The following VPS53 variants were observed in gnomAD, a reference collection of about 807,000 sequenced individuals.
VPS53 encodes vacuolar protein sorting-associated protein 53 homolog.
In VPS53, 70 loss-of-function variants were observed where a neutral mutation model predicts 107.0. That is an observed-to-expected ratio of 0.65 (90% CI 0.54 to 0.80). VPS53 has a LOEUF of 0.80. Ranked by LOEUF, VPS53 falls within the 30% of genes least tolerant of loss-of-function variation. The pLI is 0.00. For missense variants in VPS53, 917 were observed against 1,049.4 expected (o/e 0.87, Z 1.74); for synonymous variants, 409 against 393.3 (o/e 1.04, Z -0.47).
At chr17:693,871 G>A (rs888664295) in intron 4 of VPS53, among the ~76,000 whole-genome samples, 2 of 152,228 alleles carry the variant, frequency 1.3e-5, no homozygotes, top group African/African-American at 2.4e-5. Flanking sequence ...GGAAGCGAGT[G>A]CTGAAAGCAA....
intron 1 of VPS53, 47 bp downstream of exon 1, chr17:714,576 T>G (rs765647187): frequency 3.2e-6 from 5 of 1,545,474 alleles, no homozygotes; most frequent in Non-Finnish European, 4.4e-6. Flanking sequence ...AGCTGCCGTC[T>G]CCCCTCCCGC....
At chr17:550,283 C>T (rs1911705213) in intron 17 of VPS53, among the ~76,000 whole-genome samples, 1 of 152,192 alleles carries the variant, frequency 6.6e-6, no homozygotes, top group Admixed American at 6.5e-5. Context: ...CTCCCACTGC[C>T]CTCTGGTACT....
chr17:549,448 GT>G, intron 17 of VPS53, among the ~76,000 whole-genome samples: 1 of 151,850 alleles, frequency 6.6e-6, no homozygotes, highest in East Asian at 1.9e-4. Context: ...GTCTCTGTTC[GT>G]ATTTGCTGGT....
chr17:692,963 G>C (rs868637198), intron 4 of VPS53, among the ~76,000 whole-genome samples: 1 of 152,092 alleles, frequency 6.6e-6, no homozygotes, highest in East Asian at 1.9e-4. Context: ...GTGAAATCCC[G>C]TCTCTACTAA....
rs1227058275 is a variant in VPS53 at position 601,714 on chromosome 17, G to C, written c.1218+81C>G. The C allele has an allele frequency of 1.7e-5, 19 of 1,104,036 alleles. No homozygotes were observed. In the Admixed American group the frequency reaches 4.0e-4, roughly 24 times the overall value. The allele number at this position is 1,104,036 out of a possible 1,614,324, so 68.4% of individuals were successfully genotyped here. A position where few individuals can be genotyped will look rare whatever the true frequency, so the allele number is the denominator to read the frequency against. On this transcript the variant is annotated intron_variant, in intron 12 of 21. Transcript: ENST00000437048. The stretch of plus-strand genomic sequence containing the variant: ...TCTCTGAACGTGGCCAAGAGCCAAA[G>C]GATCGTATCTGGAGCAAGCAGACCG...
Position 520,061 on chromosome 17 carries a change from ACTC to A in VPS53, c.2224-134_2224-132del. The A allele has an allele frequency of 1.6e-6, 1 of 642,728 alleles. No individual in the cohort carries two copies. Among genetic ancestry groups the A allele is most frequent in the Non-Finnish European group, 2.7e-6 (1 of 364,410 alleles). The allele number at this position is 642,728 out of a possible 1,614,324, so 39.8% of individuals were successfully genotyped here. ...GGGAGCGGGCCCTTCAGGAAAACTC[ACTC>A]CTCACTTGCCCGCCGAGCGCTAAAT... On this transcript the variant is annotated intron_variant, in intron 20 of 21. Coordinates refer to ENST00000437048, the MANE Select transcript of VPS53 (RefSeq NM_001128159.3). This position sits in a 1 kb window ranked among gnomAD's most constrained non-coding sequence, Gnocchi z 4.4.
chr17:630,287 G>A (rs761900298), intron 8 of VPS53, among the ~76,000 whole-genome samples: 67 of 149,266 alleles, frequency 4.5e-4, no homozygotes, highest in Non-Finnish European at 8.6e-4. Flanking sequence ...GTGAAACTCC[G>A]TCAAAAAAAA....
At chr17:681,043 T>A (rs1972372766) in intron 4 of VPS53, among the ~76,000 whole-genome samples, 4 of 152,252 alleles carry the variant, frequency 2.6e-5, no homozygotes, top group African/African-American at 9.6e-5. Flanking sequence ...ATGACAATGA[T>A]AAATATATTA....
intron 11 of VPS53, among the ~76,000 whole-genome samples, chr17:615,378 GAGGAGCTGAGCTGTGGCAGGTCTT>G (rs1348557612): frequency 6.6e-6 from 1 of 152,180 alleles, no homozygotes; most frequent in Non-Finnish European, 1.5e-5. Context: ...GATGGGTCAG[GAGGAGCTGAGCTGTGGCAGGTCTT>G]GTCTTCCGGG....
At chr17:656,037 G>A (rs1419880658) in intron 5 of VPS53, 84 bp from the exon 6 acceptor site, 3 of 994,746 alleles carry the variant, frequency 3.0e-6, no homozygotes, top group South Asian at 1.6e-5. Context: ...TGTAAGAAAC[G>A]AATGCAGATG....
At chr17:598,652 G>A (rs1321072359) in intron 12 of VPS53, among the ~76,000 whole-genome samples, 40 of 130,290 alleles carry the variant, frequency 3.1e-4, no homozygotes, top group Admixed American at 2.3e-3. Context: ...GCCCGGCCGC[G>A]ACCCGGTCTG....
At chr17:627,382 A>C in intron 9 of VPS53, 66 bp from the exon 10 acceptor site, 1 of 1,538,658 alleles carries the variant, frequency 6.5e-7, no homozygotes, top group East Asian at 2.3e-5. Context: ...TCAAGGAAAC[A>C]AGCAAAAACA....
intron 1 of VPS53, among the ~76,000 whole-genome samples, chr17:712,262 C>T (rs890868690): frequency 6.7e-6 from 1 of 149,352 alleles, no homozygotes; most frequent in Non-Finnish European, 1.5e-5. Context: ...CTCACTGCAA[C>T]CTCTGCCTCC....
chr17:657,008 C>A (rs944710668), intron 5 of VPS53: 82 of 866,604 alleles, frequency 9.5e-5, no homozygotes, highest in Non-Finnish European at 1.6e-4. Context: ...GGGGATCACA[C>A]CAACTCTTCC....
intron 2 of VPS53, among the ~76,000 whole-genome samples, chr17:703,416 G>A (rs943466889): frequency 2.6e-5 from 4 of 152,162 alleles, no homozygotes; most frequent in African/African-American, 9.7e-5. Flanking sequence ...CAAGACACCG[G>A]ACAGCTATGA....
intron 19 of VPS53, among the ~76,000 whole-genome samples, chr17:522,401 A>G (rs1459392853): frequency 6.6e-6 from 1 of 152,218 alleles, no homozygotes. Flanking sequence ...AAACAAATCA[A>G]GGTTTTTAAG....
rs117779326 is a variant in VPS53 at position 583,122 on chromosome 17, T to A, written c.1313+3148A>T. On this transcript the variant is annotated intron_variant, in intron 13 of 21. Transcript: ENST00000437048. The stretch of plus-strand genomic sequence containing the variant: ...TTCCCAAAGAACTTCCCTCAGGACC[T>A]CAATGCGTTCCCAGAGAATCTCCCT... Among the ~76,000 whole-genome samples the A allele has an allele frequency of 2.9e-3, 395 of 135,970 alleles. 6 individuals carry two copies. In the East Asian group the frequency reaches 0.067, roughly 23 times the overall value. 89.2% of individuals were successfully genotyped at this position (135,970 alleles called of 152,430 possible).
chr17:694,605 T>C (rs991974301), intron 4 of VPS53, among the ~76,000 whole-genome samples: 1 of 152,212 alleles, frequency 6.6e-6, no homozygotes, highest in Non-Finnish European at 1.5e-5. Flanking sequence ...AGCAGCAAGT[T>C]GGGACTCTTA....
chr17:643,530 CACTCATACTTGGAAACCGAGGACA>C (rs1970541981), intron 7 of VPS53, among the ~76,000 whole-genome samples: 1 of 52,748 alleles, frequency 1.9e-5, no homozygotes, highest in Non-Finnish European at 4.2e-5. Context: ...CTGAGGACAA[CACTCATACTTGGAAACCGAGGACA>C]ACACTCATAC....
Sources: allele counts gnomAD v4.1 joint callset (sites outside exome capture counted in the v4.1 genomes callset), GRCh38; gene constraint gnomAD v4.1.1; non-coding constraint Gnocchi (gnomAD v3.1); transcripts MANE v1.5; gene names NCBI Gene and HGNC (gene_info 2026-07-23, HGNC 2026-07-21).